The following UBE2S variants were observed in gnomAD, a reference collection of about 807,000 sequenced individuals.
The protein encoded by UBE2S is ubiquitin-conjugating enzyme E2 S.
UBE2S carries 3 observed loss-of-function variants against 12.3 expected under a neutral mutation model. That is an observed-to-expected ratio of 0.24 (90% CI 0.11 to 0.63). The LOEUF is 0.63. Among genes scored for constraint, UBE2S ranks in the 30% least tolerant of loss-of-function variants. The pLI is 0.85. For missense variants in UBE2S, 211 were observed against 313.9 expected (o/e 0.67, Z 2.48); for synonymous variants, 133 against 142.0 (o/e 0.94, Z 0.45).
rs114722918 is a variant in UBE2S at position 55,406,256 on chromosome 19, A to G, written c.151+559T>C. Among the ~76,000 whole-genome samples the G allele has an allele frequency of 2.0e-3, 298 of 152,320 alleles. 1 individual carries two copies. Among genetic ancestry groups the G allele is most frequent in the African/African-American group, 6.8e-3 (284 of 41,576 alleles). On this transcript the variant is annotated intron_variant, in intron 2 of 3. Coordinates refer to ENST00000264552, the MANE Select transcript of UBE2S (RefSeq NM_014501.3). ...CCACCTACCACCATCACCACCGTGG[A>G]CTAGACCATTCCTTCACAGGCTCTG...
chr19:55,406,725 C>T, intron 2 of UBE2S, 90 bp downstream of exon 2: 4 of 1,495,838 alleles, frequency 2.7e-6, no homozygotes, highest in Non-Finnish European at 3.6e-6. Flanking sequence ...CGAGGCCAGC[C>T]TGTAATGGGT....
intron 3 of UBE2S, chr19:55,402,947 C>T (rs1051601585): frequency 2.8e-5 from 43 of 1,520,664 alleles, no homozygotes; most frequent in Middle Eastern, 1.7e-4. Context: ...TTTCAGCTTG[C>T]GGGAAGGGTT....
At position 55,401,597 on chromosome 19, in the gene UBE2S, C is replaced by T. The variant is rs774238958; in HGVS notation, c.508G>A (p.Ala170Thr). The change falls in exon 4 of 4, where the codon GCC becomes ACC. Residue 170 changes from alanine to threonine, a missense_variant. Transcript: ENST00000264552. ...GPSGRAEAGR[A>T]LASGTEASST... ...GAAGCTTCAGTGCCACTGGCCAGGGCCCGACCGGCTTCGGCCCTGCCGCTG... is the reference window on the plus strand; with the variant it reads ...GAAGCTTCAGTGCCACTGGCCAGGGTCCGACCGGCTTCGGCCCTGCCGCTG... The T allele has an allele frequency of 1.2e-5, 19 of 1,607,758 alleles. No homozygotes were observed. Among genetic ancestry groups the T allele is most frequent in the Non-Finnish European group, 1.5e-5 (18 of 1,178,266 alleles).
At chr19:55,402,282 T>C (rs984639649) in intron 3 of UBE2S, among the ~76,000 whole-genome samples, 3 of 152,226 alleles carry the variant, frequency 2.0e-5, no homozygotes, top group African/African-American at 7.2e-5. Flanking sequence ...AGATACAGCA[T>C]AAATCCTGAC....
intron 3 of UBE2S, 48 bp from the exon 4 acceptor site, chr19:55,401,810 A>AC (rs1569048228): frequency 3.7e-6 from 6 of 1,602,988 alleles, no homozygotes; most frequent in Non-Finnish European, 3.4e-6. Flanking sequence ...ACCTACAGGG[A>AC]CCCCCAGGCC....
intron 3 of UBE2S, among the ~76,000 whole-genome samples, chr19:55,403,413 C>A (rs546465381): frequency 4.8e-4 from 73 of 152,128 alleles, no homozygotes; most frequent in African/African-American, 1.7e-3. Context: ...CACCTGAGCC[C>A]AGGAGTTCAA....
intron 2 of UBE2S, 109 bp downstream of exon 2, chr19:55,406,706 C>T: frequency 7.1e-7 from 1 of 1,416,806 alleles, no homozygotes; most frequent in South Asian, 1.4e-5. Flanking sequence ...TGCATCCCAA[C>T]ACCTGACACG....
chr19:55,407,201 C>G (rs906089681), intron 1 of UBE2S, among the ~76,000 whole-genome samples: 2 of 150,592 alleles, frequency 1.3e-5, no homozygotes, highest in Non-Finnish European at 3.0e-5. Context: ...CAGAACCCCC[C>G]CCCCAAAGCC....
In UBE2S at chr19:55,400,983, T is replaced by C; in HGVS notation, c.*453A>G. Reference sequence around the variant, plus strand: ...CAGGAACACCACTGCCACACCAACGTGGCCATTATTCTAGAGGGAGAAGTA... The same window carrying C: ...CAGGAACACCACTGCCACACCAACGCGGCCATTATTCTAGAGGGAGAAGTA... On this transcript the variant is annotated 3_prime_UTR_variant, in exon 4 of 4. Transcript: ENST00000264552. The C allele has an allele frequency of 6.0e-6, 1 of 165,416 alleles. No homozygotes were observed. The highest frequency in any genetic ancestry group is 1.3e-5 in the Non-Finnish European group (1 of 75,462). 10.2% of individuals were successfully genotyped at this position (165,416 alleles called of 1,614,324 possible).
In UBE2S at chr19:55,406,979, G is replaced by C. The variant is rs1236876420; in HGVS notation, c.4-17C>G. The C allele has an allele frequency of 1.9e-6, 3 of 1,611,988 alleles. No homozygotes were observed. Among genetic ancestry groups the C allele is most frequent in the Non-Finnish European group, 2.5e-6 (3 of 1,178,724 alleles). On this transcript the variant is annotated splice_polypyrimidine_tract_variant and intron_variant, in intron 1 of 3. Coordinates refer to ENST00000264552, the MANE Select transcript of UBE2S (RefSeq NM_014501.3). ...GTTGGAGTTCTGGGCACGGATGGGA[G>C]AGCAGGGTGAGCGAGTGTTAAGAGC...
chr19:55,402,970 G>C (rs1569048717), intron 3 of UBE2S: 1 of 1,534,740 alleles, frequency 6.5e-7, no homozygotes, highest in East Asian at 2.4e-5. Context: ...GAGGCAGCAG[G>C]CTGTAAGCAG....
intron 1 of UBE2S, 114 bp downstream of exon 1, chr19:55,407,473 C>A (rs913469519): frequency 2.5e-6 from 3 of 1,197,930 alleles, no homozygotes; most frequent in East Asian, 3.1e-5. Context: ...GGTCAGGGAC[C>A]CCCAGGCTGG....
chr19:55,406,598 C>T (rs976225148), intron 2 of UBE2S, among the ~76,000 whole-genome samples: 3 of 152,264 alleles, frequency 2.0e-5, no homozygotes, highest in East Asian at 1.9e-4. Flanking sequence ...TCTAGAGTAC[C>T]GTCCCATGAT....
rs942988236 is a variant in UBE2S, at chr19:55,405,516, A to AG, written c.152-1039_152-1038insC. ...AGAGCAAGACTCCGTTTAGAGAGAG[A>AG]AAAAAAAAAGAGCAAGAATGGCTGG... On this transcript the variant is annotated intron_variant, in intron 2 of 3. Coordinates refer to ENST00000264552, the MANE Select transcript of UBE2S (RefSeq NM_014501.3). Among the ~76,000 whole-genome samples the AG allele has an allele frequency of 4.7e-5, 7 of 149,176 alleles. 1 individual carries two copies. The highest frequency in any genetic ancestry group is 7.0e-3 in the Middle Eastern group (2 of 286).
At chr19:55,402,611 G>A (rs1344614151) in intron 3 of UBE2S, among the ~76,000 whole-genome samples, 1 of 152,192 alleles carries the variant, frequency 6.6e-6, no homozygotes, top group Non-Finnish European at 1.5e-5. Context: ...AGATATCACT[G>A]ATGGTGACCA....
chr19:55,404,148 C>T lies in UBE2S; in HGVS notation c.342+140G>A. On this transcript the variant is annotated intron_variant, in intron 3 of 3. Transcript: ENST00000264552. This position sits in a 1 kb window ranked among gnomAD's most constrained non-coding sequence, Gnocchi z 4.4. ...GGCACTGTTTGTCTTTCCAGGAAAGCTAGCAACATGGATTTTTATGTGGAA... is the reference window on the plus strand; with the variant it reads ...GGCACTGTTTGTCTTTCCAGGAAAGTTAGCAACATGGATTTTTATGTGGAA... The T allele has an allele frequency of 8.7e-7, 1 of 1,146,572 alleles. No homozygotes were observed. The highest frequency in any genetic ancestry group is 1.5e-5 in the South Asian group (1 of 66,168). 71.0% of individuals were successfully genotyped at this position (1,146,572 alleles called of 1,614,324 possible).
At chr19:55,406,006 T>TG (rs1170996701) in intron 2 of UBE2S, among the ~76,000 whole-genome samples, 2 of 152,180 alleles carry the variant, frequency 1.3e-5, no homozygotes. Context: ...GTCACACCCC[T>TG]GCTTTAAACC....
At chr19:55,403,042 T>A in intron 3 of UBE2S, 1 of 1,461,122 alleles carries the variant, frequency 6.8e-7, no homozygotes, top group Non-Finnish European at 9.3e-7. Context: ...CAGGTCATTC[T>A]GTGTCATGGA....
rs2090105271 is a variant in UBE2S at position 55,407,622 on chromosome 19, C to T, written c.-33G>A. ...GCCGGCCGGGGGCGGGTCCCCCCGG[C>T]CCCCTTCCTGCGTTCTTCGGTCCGC... On this transcript the variant is annotated 5_prime_UTR_variant, in exon 1 of 4. Coordinates refer to ENST00000264552, the MANE Select transcript of UBE2S (RefSeq NM_014501.3). 8 of 1,369,696 alleles carry T rather than the reference C, an allele frequency of 5.8e-6. No individual in the cohort carries two copies. The highest frequency in any genetic ancestry group is 7.5e-6 in the Non-Finnish European group (8 of 1,063,154). 84.8% of individuals were successfully genotyped at this position (1,369,696 alleles called of 1,614,324 possible).
Sources: allele counts gnomAD v4.1 joint callset (sites outside exome capture counted in the v4.1 genomes callset), GRCh38; gene constraint gnomAD v4.1.1; non-coding constraint Gnocchi (gnomAD v3.1); transcripts MANE v1.5; gene names NCBI Gene and HGNC (gene_info 2026-07-23, HGNC 2026-07-21).